Variants in HMGN5 observed in about 807,000 individuals in gnomAD.
The protein encoded by HMGN5 is high mobility group nucleosome-binding domain-containing protein 5.
In HMGN5, 4 loss-of-function variants were observed where a neutral mutation model predicts 9.5. The observed-to-expected ratio is 0.42, with a 90% CI of 0.21 to 0.96. HMGN5 has a LOEUF of 0.96. HMGN5 is among the 40% of genes least tolerant of loss of function. HMGN5 has a pLI of 0.30. For missense variants in HMGN5, 192 were observed against 187.5 expected (o/e 1.02, Z -0.14); for synonymous variants, 55 against 57.1 (o/e 0.96, Z 0.16).
chrX:81,129,400 CAT>C (rs1312923014), intron 1 of HMGN5, among the ~76,000 whole-genome samples: 1 of 111,326 alleles, frequency 9.0e-6, no homozygotes, highest in Non-Finnish European at 1.9e-5. Context: ...AACATTTTTT[CAT>C]ATGTTTGATG....
chrX:81,141,918 CAAAATA>C (rs1430091434), intron 1 of HMGN5, among the ~76,000 whole-genome samples: 2 of 111,795 alleles, frequency 1.8e-5, no homozygotes, highest in African/African-American at 6.5e-5. Context: ...ACAGAGAATT[CAAAATA>C]GTAGCTGTGT....
At position 81,114,730 on chromosome X, in the gene HMGN5, T is replaced by A; in HGVS notation, c.768A>T (p.Leu256Phe). The change falls in exon 7 of 7, where the codon TTA becomes TTT. Residue 256 changes from leucine (L) to phenylalanine (F), a missense_variant. Physicochemically the swap from Leu to Phe is conservative, Grantham distance 22. Transcript: ENST00000358130. ...EEEAGKEKED[L>F]KEEEEGKEED... ...CCTCTTTTCCTTCTTCCTCTTCTTT[T>A]AAATCTTCTTTCTCTTTTCCAGCTT... is the stretch of plus-strand genomic sequence containing the variant. 8.6e-7 allele frequency: 1 copy of A among 1,162,917 alleles called. No homozygotes were observed. Among genetic ancestry groups the A allele is most frequent in the Non-Finnish European group, 1.1e-6 (1 of 871,415 alleles).
chrX:81,188,304 G>A (rs12384543), intron 1 of HMGN5, among the ~76,000 whole-genome samples: 2 of 86,462 alleles, frequency 2.3e-5, no homozygotes, highest in African/African-American at 7.8e-5. Flanking sequence ...TATTATTATT[G>A]TTATTGTACT....
At chrX:81,188,300 T>G (rs746671015) in intron 1 of HMGN5, among the ~76,000 whole-genome samples, 1 of 104,316 alleles carries the variant, frequency 9.6e-6, no homozygotes, top group African/African-American at 3.5e-5. Context: ...TTATTATTAT[T>G]ATTGTTATTG....
intron 1 of HMGN5, among the ~76,000 whole-genome samples, chrX:81,142,985 G>T (rs1010708822): frequency 8.9e-6 from 1 of 111,827 alleles, no homozygotes; most frequent in African/African-American, 3.2e-5. Context: ...GCAAGGGAAT[G>T]AAGTTAAGGT....
At chrX:81,185,153 G>C (rs1237840717) in intron 1 of HMGN5, among the ~76,000 whole-genome samples, 1 of 111,741 alleles carries the variant, frequency 8.9e-6, no homozygotes, top group Non-Finnish European at 1.9e-5. Flanking sequence ...GTTCTGTTAA[G>C]AATGTCATTG....
In HMGN5 at chrX:81,172,012, C is replaced by A. The variant is rs183133712; in HGVS notation, c.-124+29725G>T. 3.1e-3 allele frequency among the ~76,000 whole-genome samples: 347 copies of A among 111,090 alleles called. 2 individuals carry two copies. The highest frequency in any genetic ancestry group is 0.019 in the Middle Eastern group (4 of 214). ...TAAAAACAAATTACTTCTTATGAAT[C>A]GTGTCTTGATAAAATTAAATGTGCT... is the stretch of plus-strand genomic sequence containing the variant. On this transcript the variant is annotated intron_variant, in intron 1 of 6. Transcript: ENST00000358130.
chrX:81,153,430 T>C (rs1279758536), intron 1 of HMGN5, among the ~76,000 whole-genome samples: 1 of 100,585 alleles, frequency 9.9e-6, no homozygotes, highest in Non-Finnish European at 2.0e-5. Flanking sequence ...GGCCCACGCC[T>C]GTAATCCCAG....
intron 1 of HMGN5, among the ~76,000 whole-genome samples, chrX:81,184,347 T>G (rs1313711964): frequency 9.0e-6 from 1 of 111,664 alleles, no homozygotes; most frequent in Non-Finnish European, 1.9e-5. Context: ...TCTCAATAAT[T>G]GAAAGTTTCC....
At chrX:81,133,571 G>A (rs752027642) in intron 1 of HMGN5, among the ~76,000 whole-genome samples, 2 of 111,471 alleles carry the variant, frequency 1.8e-5, no homozygotes, top group South Asian at 7.5e-4. Flanking sequence ...CATGTATGGA[G>A]CTGGAGGCCA....
At chrX:81,193,244 G>C (rs1382248075) in intron 1 of HMGN5, among the ~76,000 whole-genome samples, 2 of 111,721 alleles carry the variant, frequency 1.8e-5, no homozygotes, top group Non-Finnish European at 3.8e-5. Context: ...GCTGCAGTAT[G>C]AGAAGATCAA....
At chrX:81,139,757 C>A (rs1482785315) in intron 1 of HMGN5, among the ~76,000 whole-genome samples, 1 of 111,916 alleles carries the variant, frequency 8.9e-6, no homozygotes, top group Non-Finnish European at 1.9e-5. Context: ...GAGAACTGAA[C>A]CAAACTCAGC....
At chrX:81,146,710 C>T (rs894348233) in intron 1 of HMGN5, among the ~76,000 whole-genome samples, 1 of 111,521 alleles carries the variant, frequency 9.0e-6, no homozygotes, top group South Asian at 3.7e-4. Flanking sequence ...AATCAAGGAG[C>T]TAGTTTTTTG....
chrX:81,200,559 G>A (rs748101633), intron 1 of HMGN5, among the ~76,000 whole-genome samples: 1 of 111,647 alleles, frequency 9.0e-6, no homozygotes, highest in East Asian at 2.8e-4. Flanking sequence ...CCTTTGCAGG[G>A]ACATGGATGA....
chrX:81,126,852 A>C (rs1435705402), intron 1 of HMGN5, among the ~76,000 whole-genome samples: 1 of 111,862 alleles, frequency 8.9e-6, no homozygotes, highest in East Asian at 2.8e-4. Flanking sequence ...ATTCAACAAC[A>C]AAAAAATTAT....
At chrX:81,122,253 A>G in intron 1 of HMGN5, among the ~76,000 whole-genome samples, 1 of 112,352 alleles carries the variant, frequency 8.9e-6, no homozygotes, top group East Asian at 2.8e-4. Flanking sequence ...CCGCAGGTGT[A>G]GAGTAGCGAC....
At chrX:81,196,435 G>A (rs183835333) in intron 1 of HMGN5, among the ~76,000 whole-genome samples, 1 of 110,899 alleles carries the variant, frequency 9.0e-6, no homozygotes, top group Non-Finnish European at 1.9e-5. Context: ...CACATGTCTA[G>A]AGAGAGACCA....
chrX:81,196,278 T>A (rs774029698), intron 1 of HMGN5, among the ~76,000 whole-genome samples: 1 of 110,892 alleles, frequency 9.0e-6, no homozygotes, highest in Non-Finnish European at 1.9e-5. Context: ...TAGGGCATCA[T>A]TGAGTGATGT....
At chrX:81,137,118 T>C (rs764026578) in intron 1 of HMGN5, among the ~76,000 whole-genome samples, 10 of 111,400 alleles carry the variant, frequency 9.0e-5, no homozygotes, top group Non-Finnish European at 1.5e-4. Context: ...CCAGCTATAC[T>C]TGTGGATCTG....
Sources: allele counts gnomAD v4.1 joint callset (sites outside exome capture counted in the v4.1 genomes callset), GRCh38; gene constraint gnomAD v4.1.1; transcripts MANE v1.5; gene names NCBI Gene and HGNC (gene_info 2026-07-23, HGNC 2026-07-21).